SMAD2: variants seen among roughly 807,000 people sequenced by gnomAD.
SMAD2 encodes SMAD family member 2, also known as MAD homolog 2.
SMAD2 carries 8 observed loss-of-function variants against 64.4 expected under a neutral mutation model. That is an observed-to-expected ratio of 0.12 (90% CI 0.07 to 0.22). The LOEUF is 0.22. Ranked by LOEUF, SMAD2 falls within the 10% of genes least tolerant of loss-of-function variation. The probability of loss-of-function intolerance (pLI) is 1.00; values close to 1 mark genes in which losing one functional copy is unlikely to be tolerated. For missense variants in SMAD2, 289 were observed against 561.2 expected (o/e 0.51, Z 4.90); for synonymous variants, 203 against 195.8 (o/e 1.04, Z -0.31).
intron 1 of SMAD2, among the ~76,000 whole-genome samples, chr18:47,919,179 G>A (rs1001552910): frequency 3.9e-5 from 6 of 151,970 alleles, no homozygotes; most frequent in African/African-American, 9.7e-5. Flanking sequence ...CAATGGCTTC[G>A]TAATTCTGGG....
chr18:47,889,420 C>A (rs1280638721), intron 2 of SMAD2, among the ~76,000 whole-genome samples: 1 of 151,470 alleles, frequency 6.6e-6, no homozygotes, highest in East Asian at 1.9e-4. Context: ...ACATTTTGGG[C>A]TGGATGGTAA....
At position 47,884,713 on chromosome 18, in the gene SMAD2, G is replaced by A. The variant is rs908545182; in HGVS notation, c.236+11808C>T. Among the ~76,000 whole-genome samples the A allele has an allele frequency of 9.9e-5, 15 of 151,956 alleles. No individual in the cohort carries two copies. In the South Asian group the frequency reaches 1.2e-3, roughly 13 times the overall value. On this transcript the variant is annotated intron_variant, in intron 2 of 10. Coordinates refer to ENST00000262160, the MANE Select transcript of SMAD2 (RefSeq NM_005901.6). ...ATTAATAACTAAATAAAAAATAGGCGGAGACAACAGAACTTCCATAATCAC... is the reference window on the plus strand; with the variant it reads ...ATTAATAACTAAATAAAAAATAGGCAGAGACAACAGAACTTCCATAATCAC...
chr18:47,850,641 ATT>A (rs1915344688), intron 7 of SMAD2, among the ~76,000 whole-genome samples: 4 of 51,680 alleles, frequency 7.7e-5, no homozygotes, highest in African/African-American at 3.7e-4. Context: ...TATTATATAT[ATT>A]ATGTATAATA....
At chr18:47,909,893 C>T (rs2034055362) in intron 1 of SMAD2, among the ~76,000 whole-genome samples, 1 of 152,124 alleles carries the variant, frequency 6.6e-6, no homozygotes, top group Non-Finnish European at 1.5e-5. Context: ...TTAATAACAT[C>T]TCTAAATCAG....
chr18:47,856,853 A>G (rs1367144219), intron 6 of SMAD2, among the ~76,000 whole-genome samples: 3 of 136,108 alleles, frequency 2.2e-5, no homozygotes, highest in East Asian at 4.2e-4. Flanking sequence ...TAACTATGCT[A>G]ATTTTTTTTT....
chr18:47,857,621 C>G (rs559925113), intron 6 of SMAD2, among the ~76,000 whole-genome samples: 2 of 152,268 alleles, frequency 1.3e-5, no homozygotes, highest in South Asian at 4.2e-4. Context: ...AACTAATTTA[C>G]AGAGAGGGAT....
intron 8 of SMAD2, among the ~76,000 whole-genome samples, chr18:47,846,975 C>A (rs539957812): frequency 4.6e-5 from 7 of 152,026 alleles, no homozygotes; most frequent in African/African-American, 1.5e-4. Flanking sequence ...CAGTCATGCA[C>A]GTGGTCATTG....
intron 6 of SMAD2, among the ~76,000 whole-genome samples, chr18:47,857,516 C>T (rs577091163): frequency 2.6e-5 from 4 of 152,226 alleles, no homozygotes; most frequent in African/African-American, 9.6e-5. Context: ...ACCTTTGCTT[C>T]TGAAATAGCA....
chr18:47,831,326 T>G lies in SMAD2; in HGVS notation c.*10501A>C, dbSNP rs1912981691. 1 of 152,258 alleles carries G rather than the reference T, an allele frequency of 6.6e-6. No individual in the cohort carries two copies. The allele number at this position is 152,258 out of a possible 1,614,324, so 9.4% of individuals were successfully genotyped here. A position where few individuals can be genotyped will look rare whatever the true frequency, so the allele number is the denominator to read the frequency against. On this transcript the variant is annotated 3_prime_UTR_variant, in exon 11 of 11. Coordinates refer to ENST00000262160, the MANE Select transcript of SMAD2 (RefSeq NM_005901.6). ...CTCATTTTGACCTTCTTCAAAGGTC[T>G]TCTCCATCTCTCCAAATTGAATGTA... is the stretch of plus-strand genomic sequence containing the variant.
intron 2 of SMAD2, among the ~76,000 whole-genome samples, chr18:47,892,198 ATTTTTTTT>A (rs35136920): frequency 7.0e-6 from 1 of 142,384 alleles, no homozygotes; most frequent in African/African-American, 2.7e-5. Flanking sequence ...TTACCTAGAC[ATTTTTTTT>A]TTTTTTTTTT....
chr18:47,921,549 A>C (rs2034561060), intron 1 of SMAD2, among the ~76,000 whole-genome samples: 1 of 152,158 alleles, frequency 6.6e-6, no homozygotes, highest in Non-Finnish European at 1.5e-5. Context: ...AGTCCATCTA[A>C]AGCCTACTGT....
chr18:47,861,228 T>C (rs938368142), intron 6 of SMAD2, among the ~76,000 whole-genome samples: 14 of 151,990 alleles, frequency 9.2e-5, no homozygotes, highest in Non-Finnish European at 1.9e-4. Flanking sequence ...TGGTAGTGCA[T>C]GCCTGTAAAC....
chr18:47,923,178 TA>T (rs546528253), intron 1 of SMAD2, among the ~76,000 whole-genome samples: 6,047 of 133,754 alleles, frequency 0.045, 138 homozygotes, highest in Middle Eastern at 0.058. Flanking sequence ...CCCAGATTAT[TA>T]AAAAAAAAAA....
At chr18:47,894,510 G>A (rs2033346017) in intron 2 of SMAD2, among the ~76,000 whole-genome samples, 1 of 152,064 alleles carries the variant, frequency 6.6e-6, no homozygotes, top group African/African-American at 2.4e-5. Flanking sequence ...TACCCAACTT[G>A]TTTGGAACGC....
chr18:47,925,333 T>C (rs1164716528), intron 1 of SMAD2, among the ~76,000 whole-genome samples: 1 of 152,198 alleles, frequency 6.6e-6, no homozygotes, highest in East Asian at 1.9e-4. Flanking sequence ...AACCTAAAGA[T>C]ACATCAAGCA....
intron 2 of SMAD2, among the ~76,000 whole-genome samples, chr18:47,883,575 T>C (rs1181452962): frequency 1.3e-5 from 2 of 152,222 alleles, no homozygotes; most frequent in African/African-American, 2.4e-5. Context: ...AACTCTCCAA[T>C]TGTGGATTTG....
chr18:47,871,455 T>C (rs2031926779), intron 2 of SMAD2, among the ~76,000 whole-genome samples: 2 of 152,212 alleles, frequency 1.3e-5, no homozygotes, highest in African/African-American at 4.8e-5. Context: ...GGATCAACAG[T>C]TCAAAGGGCA....
chr18:47,908,204 T>C (rs762198949), intron 1 of SMAD2, among the ~76,000 whole-genome samples: 32 of 152,190 alleles, frequency 2.1e-4, no homozygotes, highest in Non-Finnish European at 4.1e-4. Flanking sequence ...CAAGTACATG[T>C]AGGCAAATGT....
intron 2 of SMAD2, among the ~76,000 whole-genome samples, chr18:47,874,210 T>C (rs2144396558): frequency 6.6e-6 from 1 of 152,288 alleles, no homozygotes; most frequent in East Asian, 1.9e-4. Flanking sequence ...AAAATGTATA[T>C]GGAAATACTA....
Sources: gnomAD v4.1 joint callset for allele counts (sites outside exome capture counted in the v4.1 genomes callset) on GRCh38, gnomAD v4.1.1 for gene constraint, MANE v1.5 for transcripts, NCBI Gene and HGNC (gene_info 2026-07-23, HGNC 2026-07-21) for gene names.